The following RSRC1 variants were observed in gnomAD, a reference collection of about 807,000 sequenced individuals.
RSRC1 encodes the protein serine/Arginine-related protein 53.
Under a neutral mutation model 49.1 loss-of-function variants are expected in RSRC1, and 39 were observed. The observed-to-expected ratio is 0.79, with a 90% CI of 0.61 to 1.04. The LOEUF is 1.04. Among genes scored for constraint, RSRC1 ranks in the 50% least tolerant of loss-of-function variants. The pLI is 0.00. For synonymous variants in RSRC1, 143 were observed against 130.8 expected, an observed-to-expected ratio of 1.09 and a Z score of -0.63; for missense variants, 388 against 402.4, an observed-to-expected ratio of 0.96 and a Z score of 0.31.
Position 158,487,949 on chromosome 3 carries a change from GAA to G in RSRC1, c.652+26970_652+26971del, listed in dbSNP as rs58689210. 1.2e-3 allele frequency among the ~76,000 whole-genome samples: 35 copies of G among 28,922 alleles called. 2 individuals are homozygous for G. Among genetic ancestry groups the G allele is most frequent in the East Asian group, 6.3e-3 (6 of 960 alleles). The allele number at this position is 28,922 out of a possible 152,430, so 19.0% of individuals were successfully genotyped here. On this transcript the variant is annotated intron_variant, in intron 7 of 9. Transcript: ENST00000611884. ...TAGGAGACAAGAGACTCCATCTCAA[GAA>G]AAAAAAAAAAAAAAAAAAAAAAACT...
At chr3:158,248,428 C>T (rs1229003412) in intron 4 of RSRC1, among the ~76,000 whole-genome samples, 1 of 151,954 alleles carries the variant, frequency 6.6e-6, no homozygotes, top group Non-Finnish European at 1.5e-5. Context: ...TTTGTTTTTT[C>T]ACTCACCTGT....
chr3:158,376,836 C>T (rs569223991), intron 6 of RSRC1, among the ~76,000 whole-genome samples: 13 of 147,708 alleles, frequency 8.8e-5, no homozygotes, highest in Admixed American at 8.2e-4. Context: ...CATAGTCACT[C>T]TATATGATTT....
intron 4 of RSRC1, among the ~76,000 whole-genome samples, chr3:158,229,094 A>G (rs1722743056): frequency 6.7e-6 from 1 of 150,184 alleles, no homozygotes; most frequent in African/African-American, 2.4e-5. Context: ...GTATAAACAC[A>G]CATACGTGTA....
At chr3:158,287,117 C>T (rs1019532947) in intron 4 of RSRC1, among the ~76,000 whole-genome samples, 4 of 152,146 alleles carry the variant, frequency 2.6e-5, no homozygotes, top group East Asian at 1.9e-4. Flanking sequence ...TGAGTCACTG[C>T]GCCTAGCCTT....
intron 6 of RSRC1, among the ~76,000 whole-genome samples, chr3:158,373,116 G>C (rs552008928): frequency 1.5e-4 from 23 of 151,516 alleles, no homozygotes; most frequent in Non-Finnish European, 2.7e-4. Context: ...TTCTTTTTTG[G>C]CTTTTTAAAA....
intron 7 of RSRC1, among the ~76,000 whole-genome samples, chr3:158,467,566 C>T (rs921658867): frequency 1.3e-5 from 2 of 152,000 alleles, no homozygotes; most frequent in African/African-American, 4.8e-5. Context: ...TAGTATGCAC[C>T]TTTAGGGATG....
At chr3:158,167,697 G>A (rs1004783477) in intron 3 of RSRC1, among the ~76,000 whole-genome samples, 1 of 152,138 alleles carries the variant, frequency 6.6e-6, no homozygotes, top group Admixed American at 6.5e-5. Context: ...ATGTTATTTT[G>A]TTGGCTTTCA....
Position 158,396,260 on chromosome 3 carries a change from G to A in RSRC1, c.583+41352G>A, listed in dbSNP as rs376594407. Among the ~76,000 whole-genome samples the A allele has an allele frequency of 4.5e-4, 68 of 152,144 alleles. 5 individuals carry two copies. In the East Asian group the frequency reaches 6.0e-3, roughly 13 times the overall value. On this transcript the variant is annotated intron_variant, in intron 6 of 9. Coordinates refer to ENST00000611884, the MANE Select transcript of RSRC1 (RefSeq NM_001271838.2). ...GTACTATGCTTATCATCTGGGTGAT[G>A]AGATAATCTGTTCACCAAACCCCCA...
chr3:158,518,718 A>G (rs972109232), intron 7 of RSRC1, among the ~76,000 whole-genome samples: 1 of 152,114 alleles, frequency 6.6e-6, no homozygotes, highest in Non-Finnish European at 1.5e-5. Context: ...TAATTTTTCT[A>G]ATCACATGCA....
chr3:158,394,181 A>T (rs539385633), intron 6 of RSRC1, among the ~76,000 whole-genome samples: 15 of 152,232 alleles, frequency 9.9e-5, no homozygotes, highest in Admixed American at 5.9e-4. Flanking sequence ...TTAATGACAA[A>T]CCCACAGCCA....
chr3:158,219,174 A>C (rs1488530290), intron 4 of RSRC1, among the ~76,000 whole-genome samples: 1 of 151,638 alleles, frequency 6.6e-6, no homozygotes, highest in African/African-American at 2.4e-5. Flanking sequence ...TTATATGTTT[A>C]GGAAACCATT....
chr3:158,469,083 G>T (rs1394069252), intron 7 of RSRC1, among the ~76,000 whole-genome samples: 1 of 151,964 alleles, frequency 6.6e-6, no homozygotes, highest in African/African-American at 2.4e-5. Context: ...CTTTGATTTT[G>T]TCCATCTGTT....
intron 6 of RSRC1, among the ~76,000 whole-genome samples, chr3:158,396,246 A>T (rs1432443866): frequency 1.3e-5 from 2 of 152,100 alleles, no homozygotes; most frequent in Non-Finnish European, 2.9e-5. Context: ...TACTATGCTT[A>T]TCATCTGGGT....
chr3:158,530,954 A>G (rs1347411804), intron 7 of RSRC1, among the ~76,000 whole-genome samples: 1 of 149,562 alleles, frequency 6.7e-6, no homozygotes, highest in Non-Finnish European at 1.5e-5. Context: ...AAAACTCACC[A>G]CTGAAAGACA....
chr3:158,325,587 T>G (rs1729081431), intron 5 of RSRC1, among the ~76,000 whole-genome samples: 1 of 152,242 alleles, frequency 6.6e-6, no homozygotes, highest in East Asian at 1.9e-4. Flanking sequence ...CATTGATCTA[T>G]ATCTCTGTTT....
In RSRC1 at chr3:158,477,801, TATA is replaced by T. The variant is rs1560059555; in HGVS notation, c.652+16799_652+16801del. On this transcript the variant is annotated intron_variant, in intron 7 of 9. Coordinates refer to ENST00000611884, the MANE Select transcript of RSRC1 (RefSeq NM_001271838.2). ...TGGGATAGGTTGCGGGAGGGATTTA[TATA>T]TATATATATATATATATATATATGA... is the stretch of plus-strand genomic sequence containing the variant. 1.3e-3 allele frequency among the ~76,000 whole-genome samples: 107 copies of T among 80,630 alleles called. 13 individuals carry two copies. The highest frequency in any genetic ancestry group is 0.011 in the East Asian group (18 of 1,710). 52.9% of individuals were successfully genotyped at this position (80,630 alleles called of 152,430 possible). A position where few individuals can be genotyped will look rare whatever the true frequency, so the allele number is the denominator to read the frequency against.
chr3:158,452,258 T>G (rs1454146290), intron 6 of RSRC1, among the ~76,000 whole-genome samples: 1 of 152,150 alleles, frequency 6.6e-6, no homozygotes, highest in Non-Finnish European at 1.5e-5. Context: ...GGGCCTTTCA[T>G]TTGTTCACTA....
At chr3:158,172,560 A>G (rs1718937631) in intron 3 of RSRC1, among the ~76,000 whole-genome samples, 1 of 152,182 alleles carries the variant, frequency 6.6e-6, no homozygotes, top group Admixed American at 6.5e-5. Context: ...TTATGCAGTT[A>G]TCCTGACAAT....
chr3:158,260,019 G>C (rs868109791), intron 4 of RSRC1, among the ~76,000 whole-genome samples: 14 of 152,196 alleles, frequency 9.2e-5, no homozygotes, highest in African/African-American at 3.4e-4. Flanking sequence ...ATGCCATCCA[G>C]GATTCAAGGC....
Sources: gnomAD v4.1 joint callset for allele counts (sites outside exome capture counted in the v4.1 genomes callset) on GRCh38, gnomAD v4.1.1 for gene constraint, MANE v1.5 for transcripts, NCBI Gene and HGNC (gene_info 2026-07-23, HGNC 2026-07-21) for gene names.